Variants in WWOX observed in about 807,000 individuals in gnomAD.
The protein encoded by WWOX is WW domain containing oxidoreductase, also known as WW domain-containing oxidoreductase.
In WWOX, 69 loss-of-function variants were observed where a neutral mutation model predicts 46.2. The observed-to-expected ratio is 1.49, with a 90% CI of 1.23 to 1.82. WWOX has a LOEUF of 1.82. Ranked by LOEUF, WWOX falls within the 40% of genes most tolerant of loss-of-function variation. WWOX has a pLI of 0.00. For synonymous variants in WWOX, 359 were observed against 202.6 expected, an observed-to-expected ratio of 1.77 and a Z score of -6.56; for missense variants, 919 against 542.6, an observed-to-expected ratio of 1.69 and a Z score of -6.89.
At chr16:78,571,558 C>G (rs151068290) in intron 8 of WWOX, among the ~76,000 whole-genome samples, 2 of 152,146 alleles carry the variant, frequency 1.3e-5, no homozygotes, top group African/African-American at 4.8e-5. Flanking sequence ...AAAGGATGTT[C>G]AAACTCATCA....
intron 4 of WWOX, among the ~76,000 whole-genome samples, chr16:78,160,281 C>T (rs1429879074): frequency 1.3e-5 from 2 of 151,926 alleles, no homozygotes; most frequent in Non-Finnish European, 2.9e-5. Context: ...CACAGGTGTG[C>T]ACCACCACGC....
chr16:78,664,322 C>T (rs2047281998), intron 8 of WWOX, among the ~76,000 whole-genome samples: 1 of 152,182 alleles, frequency 6.6e-6, no homozygotes, highest in African/African-American at 2.4e-5. Flanking sequence ...GTGGGCTGGC[C>T]ACCCAGGAGG....
chr16:78,683,968 C>T (rs551660494), intron 8 of WWOX, among the ~76,000 whole-genome samples: 80 of 152,246 alleles, frequency 5.3e-4, no homozygotes, highest in Non-Finnish European at 1.1e-3. Flanking sequence ...CTGTCTCTTG[C>T]GATCCCCTCC....
chr16:79,028,734 C>T (rs995003322), intron 8 of WWOX, among the ~76,000 whole-genome samples: 1 of 151,784 alleles, frequency 6.6e-6, no homozygotes, highest in Non-Finnish European at 1.5e-5. Context: ...CTTCTTTCCA[C>T]AAGAGTAGGT....
At chr16:79,016,299 A>G (rs1430303190) in intron 8 of WWOX, 3 of 152,146 alleles carry the variant, frequency 2.0e-5, no homozygotes, top group Admixed American at 2.0e-4. Flanking sequence ...TCTCCCACTG[A>G]TGAGATGCGG....
chr16:78,458,103 A>G (rs988703514), intron 8 of WWOX, among the ~76,000 whole-genome samples: 28 of 151,784 alleles, frequency 1.8e-4, no homozygotes, highest in African/African-American at 6.8e-4. Flanking sequence ...CTGACTTCTC[A>G]TCCTGGAGTT....
chr16:78,442,101 C>G (rs544396446), intron 8 of WWOX, among the ~76,000 whole-genome samples: 1 of 151,410 alleles, frequency 6.6e-6, no homozygotes, highest in Non-Finnish European at 1.5e-5. Context: ...GGTGCCCCTG[C>G]ACTCCATCCT....
At chr16:78,659,490 G>T (rs1257934199) in intron 8 of WWOX, among the ~76,000 whole-genome samples, 1 of 151,976 alleles carries the variant, frequency 6.6e-6, no homozygotes, top group Non-Finnish European at 1.5e-5. Context: ...GCCCTCCAGG[G>T]GATTCTGTGG....
At position 78,545,846 on chromosome 16, in the gene WWOX, T is replaced by A. The variant is rs564452832; in HGVS notation, c.1056+113094T>A. On this transcript the variant is annotated intron_variant, in intron 8 of 8. Coordinates refer to ENST00000566780, the MANE Select transcript of WWOX (RefSeq NM_016373.4). ...GTCCTCACGTGGCCTTCCGTCTGTT[T>A]CTTGGTGCACATCCCTGGTGTCTCT... 1.4e-3 allele frequency among the ~76,000 whole-genome samples: 220 copies of A among 152,298 alleles called. 1 individual carries two copies. Among genetic ancestry groups the A allele is most frequent in the African/African-American group, 4.9e-3 (205 of 41,576 alleles).
At chr16:78,630,413 C>A (rs34561764) in intron 8 of WWOX, among the ~76,000 whole-genome samples, 2 of 152,158 alleles carry the variant, frequency 1.3e-5, no homozygotes, top group African/African-American at 4.8e-5. Flanking sequence ...GGAATACCTG[C>A]TTTCCTTTGT....
At chr16:78,290,720 C>G (rs942843655) in intron 5 of WWOX, among the ~76,000 whole-genome samples, 4 of 151,418 alleles carry the variant, frequency 2.6e-5, no homozygotes, top group Non-Finnish European at 5.9e-5. Flanking sequence ...GGGAAAATGA[C>G]TTCTGTAATA....
chr16:78,933,167 G>A (rs1358099767), intron 8 of WWOX, among the ~76,000 whole-genome samples: 1 of 152,226 alleles, frequency 6.6e-6, no homozygotes, highest in East Asian at 1.9e-4. Context: ...GGCCTGGCGT[G>A]GTGGCTCACG....
At chr16:78,825,531 G>T in intron 8 of WWOX, 2 of 522,996 alleles carry the variant, frequency 3.8e-6, no homozygotes, top group South Asian at 2.9e-5. Context: ...GGGCATTGTA[G>T]AGCTTTATGC....
chr16:78,756,109 A>G (rs2049639866), intron 8 of WWOX, among the ~76,000 whole-genome samples: 1 of 152,196 alleles, frequency 6.6e-6, no homozygotes, highest in South Asian at 2.1e-4. Flanking sequence ...AATGATGGAA[A>G]GGGGAGGAGA....
intron 4 of WWOX, among the ~76,000 whole-genome samples, chr16:78,152,729 CT>C (rs549401330): frequency 2.6e-5 from 4 of 152,210 alleles, no homozygotes; most frequent in Non-Finnish European, 5.9e-5. Context: ...AGTAGCCAGC[CT>C]GGGGTCAGTC....
intron 5 of WWOX, among the ~76,000 whole-genome samples, chr16:78,380,791 A>T (rs567632419): frequency 2.6e-5 from 4 of 152,158 alleles, no homozygotes; most frequent in Non-Finnish European, 5.9e-5. Flanking sequence ...TAACTTGCCC[A>T]GCCCCAAACC....
intron 8 of WWOX, among the ~76,000 whole-genome samples, chr16:79,194,300 G>A (rs2051195077): frequency 2.0e-5 from 3 of 152,154 alleles, no homozygotes. Flanking sequence ...AAGGAAATTT[G>A]AGCATTCATT....
At chr16:79,040,134 T>C (rs1478815756) in intron 8 of WWOX, among the ~76,000 whole-genome samples, 1 of 152,130 alleles carries the variant, frequency 6.6e-6, no homozygotes, top group African/African-American at 2.4e-5. Flanking sequence ...ACATCAGTAA[T>C]GTACTTGGAA....
chr16:78,731,113 T>A (rs896893019), intron 8 of WWOX, among the ~76,000 whole-genome samples: 1 of 152,316 alleles, frequency 6.6e-6, no homozygotes, highest in African/African-American at 2.4e-5. Context: ...GCTTTTGTTT[T>A]TTGAGTGAAT....
Sources: allele counts gnomAD v4.1 joint callset (sites outside exome capture counted in the v4.1 genomes callset), GRCh38; gene constraint gnomAD v4.1.1; transcripts MANE v1.5; gene names NCBI Gene and HGNC (gene_info 2026-07-23, HGNC 2026-07-21).